BICD1: variants seen among roughly 807,000 people sequenced by gnomAD.
BICD1 encodes BICD cargo adaptor 1.
A neutral mutation model predicts 92.5 loss-of-function variants in BICD1; 35 were observed. The observed-to-expected ratio is 0.38, with a 90% CI of 0.29 to 0.50. The LOEUF is 0.50. BICD1 is among the 20% of genes least tolerant of loss of function. BICD1 has a pLI of 0.93. For synonymous variants in BICD1, 429 were observed against 465.1 expected (o/e 0.92, Z 1.00); for missense variants, 950 against 1,189.8 (o/e 0.80, Z 2.97).
intron 2 of BICD1, among the ~76,000 whole-genome samples, chr12:32,259,453 C>G (rs1478034882): frequency 6.6e-6 from 1 of 152,208 alleles, no homozygotes; most frequent in Non-Finnish European, 1.5e-5. Flanking sequence ...AACAGTGACA[C>G]ATGACTTGAG....
In BICD1 at chr12:32,225,621, G is replaced by GTTTTTGTTTTTTTTTTTTTTTTTTT. The variant is rs1411722126; in HGVS notation, c.426+9167_426+9168insGTTTTTTTTTTTTTTTTTTTTTTTT. On this transcript the variant is annotated intron_variant, in intron 2 of 9. Transcript: ENST00000652176. The stretch of plus-strand genomic sequence containing the variant: ...TGGTATTTGACAGTTCTTTTTTTCT[G>GTTTTTGTTTTTTTTTTTTTTTTTTT]TTTTTTTTTTTTTTTTTTTTAGACG... 4.3e-5 allele frequency among the ~76,000 whole-genome samples: 4 copies of GTTTTTGTTTTTTTTTTTTTTTTTTT among 92,776 alleles called. 1 individual carries two copies. Among genetic ancestry groups the GTTTTTGTTTTTTTTTTTTTTTTTTT allele is most frequent in the Non-Finnish European group, 6.4e-5 (3 of 46,892 alleles). 60.9% of individuals were successfully genotyped at this position (92,776 alleles called of 152,430 possible).
intron 3 of BICD1, among the ~76,000 whole-genome samples, chr12:32,298,071 T>C (rs983237345): frequency 6.6e-6 from 1 of 151,544 alleles, no homozygotes; most frequent in Non-Finnish European, 1.5e-5. Context: ...TGGTTCCAGC[T>C]ACTTGGGAGG....
intron 1 of BICD1, among the ~76,000 whole-genome samples, chr12:32,189,705 T>A (rs1016387887): frequency 3.3e-5 from 5 of 151,722 alleles, no homozygotes; most frequent in Admixed American, 3.3e-4. Context: ...GTAATTTTTT[T>A]TTTTTTTTTT....
intron 2 of BICD1, among the ~76,000 whole-genome samples, chr12:32,256,452 G>A (rs572680678): frequency 3.3e-5 from 5 of 152,136 alleles, no homozygotes; most frequent in Non-Finnish European, 7.3e-5. Flanking sequence ...ACCTTAAGGA[G>A]GTCAACTCAC....
chr12:32,142,443 A>ATCTATCTAT (rs1942962822), intron 1 of BICD1, among the ~76,000 whole-genome samples: 1 of 65,110 alleles, frequency 1.5e-5, no homozygotes, highest in Non-Finnish European at 3.1e-5. Context: ...AAAAAACCCC[A>ATCTATCTAT]CCTATCTATC....
At chr12:32,222,337 C>T (rs543326751) in intron 2 of BICD1, among the ~76,000 whole-genome samples, 1 of 152,326 alleles carries the variant, frequency 6.6e-6, no homozygotes, top group East Asian at 1.9e-4. Flanking sequence ...GTGCCAGACA[C>T]TGTTCTAAAT....
intron 2 of BICD1, among the ~76,000 whole-genome samples, chr12:32,231,790 A>T (rs990888306): frequency 7.7e-6 from 1 of 129,740 alleles, no homozygotes; most frequent in Non-Finnish European, 1.5e-5. Context: ...TCCTGTGTCC[A>T]TGTGATCTCA....
intron 8 of BICD1, among the ~76,000 whole-genome samples, chr12:32,357,042 G>C (rs1482851514): frequency 3.4e-5 from 4 of 118,860 alleles, no homozygotes; most frequent in Non-Finnish European, 5.1e-5. Flanking sequence ...ATGGAGTTTC[G>C]CTCTTGTTGC....
At chr12:32,275,155 AT>A (rs901956179) in intron 2 of BICD1, among the ~76,000 whole-genome samples, 2 of 152,178 alleles carry the variant, frequency 1.3e-5, no homozygotes, top group African/African-American at 4.8e-5. Context: ...TAATCCCTTG[AT>A]TTGCAAATCA....
At chr12:32,335,828 G>A (rs927983515) in intron 6 of BICD1, among the ~76,000 whole-genome samples, 5 of 151,936 alleles carry the variant, frequency 3.3e-5, no homozygotes, top group African/African-American at 7.2e-5. Context: ...CAAGAGATCC[G>A]CCCACCTCGG....
At chr12:32,192,255 C>A (rs540817028) in intron 1 of BICD1, among the ~76,000 whole-genome samples, 2 of 152,000 alleles carry the variant, frequency 1.3e-5, no homozygotes, top group East Asian at 1.9e-4. Context: ...CATGGTGAAA[C>A]CCCATCTCTA....
chr12:32,252,050 A>T (rs1218809294), intron 2 of BICD1, among the ~76,000 whole-genome samples: 2 of 82,572 alleles, frequency 2.4e-5, no homozygotes, highest in Admixed American at 1.4e-4. Context: ...ATTTATAATA[A>T]ATATTATATA....
At chr12:32,297,552 A>T (rs1431957946) in intron 3 of BICD1, among the ~76,000 whole-genome samples, 1 of 152,160 alleles carries the variant, frequency 6.6e-6, no homozygotes, top group African/African-American at 2.4e-5. Flanking sequence ...AGAGTTTTTT[A>T]AAGAGATGAC....
At chr12:32,185,519 A>T (rs1226491439) in intron 1 of BICD1, among the ~76,000 whole-genome samples, 1 of 152,220 alleles carries the variant, frequency 6.6e-6, no homozygotes, top group Non-Finnish European at 1.5e-5. Flanking sequence ...AGGCTTTGCT[A>T]GTGTTTCAGT....
At chr12:32,159,870 A>C (rs1402860982) in intron 1 of BICD1, among the ~76,000 whole-genome samples, 4 of 123,886 alleles carry the variant, frequency 3.2e-5, no homozygotes, top group Non-Finnish European at 7.8e-5. Flanking sequence ...GTTCTCCTTC[A>C]AGAGAAATTA....
intron 4 of BICD1, among the ~76,000 whole-genome samples, chr12:32,324,980 A>G (rs1422229189): frequency 6.6e-6 from 1 of 152,040 alleles, no homozygotes; most frequent in East Asian, 1.9e-4. Flanking sequence ...CAACATTTCC[A>G]TATTCAGTTA....
intron 1 of BICD1, among the ~76,000 whole-genome samples, chr12:32,175,656 A>T (rs7958620): frequency 0.036 from 5,530 of 152,224 alleles, 343 homozygotes; most frequent in African/African-American, 0.12. Flanking sequence ...ACTGTTCCAA[A>T]TACGTTGGGA....
intron 4 of BICD1, among the ~76,000 whole-genome samples, chr12:32,317,034 A>T (rs1948522241): frequency 6.6e-6 from 1 of 152,080 alleles, no homozygotes; most frequent in South Asian, 2.1e-4. Flanking sequence ...AAGGACATGA[A>T]CTCATCATTT....
rs113588667 is a variant in BICD1 at position 32,328,740 on chromosome 12, C to T, written c.2100+185C>T. On this transcript the variant is annotated intron_variant, in intron 5 of 9. Coordinates refer to ENST00000652176, the MANE Select transcript of BICD1 (RefSeq NM_001714.4). The surrounding 1 kb of genome is among the most constrained non-coding windows in gnomAD (Gnocchi z 4.4). ...ATTATTGTTTTTAAATGATGAAATA[C>T]CTGTGCCCAGTTAGGTGGAGGCAGA... Among the ~76,000 whole-genome samples, 57 of 152,210 alleles carry T rather than the reference C, an allele frequency of 3.7e-4. No homozygotes were observed. Among genetic ancestry groups the T allele is most frequent in the African/African-American group, 1.3e-3 (52 of 41,514 alleles).
Sources: gnomAD v4.1 joint callset for allele counts (sites outside exome capture counted in the v4.1 genomes callset) on GRCh38, gnomAD v4.1.1 for gene constraint, Gnocchi (gnomAD v3.1) non-coding constraint, MANE v1.5 for transcripts, NCBI Gene and HGNC (gene_info 2026-07-23, HGNC 2026-07-21) for gene names.